Variants in ALG1 observed in about 807,000 individuals in gnomAD.
ALG1 encodes ALG1 chitobiosyldiphosphodolichol beta-mannosyltransferase, also known as chitobiosyldiphosphodolichol beta-mannosyltransferase.
In ALG1, 58 loss-of-function variants were observed where a neutral mutation model predicts 55.1. The ratio of observed to expected loss-of-function variants is 1.05; its 90% CI spans 0.85 to 1.31. ALG1 has a LOEUF of 1.31. Ranked by LOEUF, ALG1 falls within the 50% of genes most tolerant of loss-of-function variation. The pLI is 0.00. For missense variants in ALG1, 761 were observed against 598.6 expected (o/e 1.27, Z -2.83); for synonymous variants, 309 against 247.0 (o/e 1.25, Z -2.35).
At position 5,081,154 on chromosome 16, in the gene ALG1, C is replaced by T. The variant is rs139849682; in HGVS notation, c.1072+98C>T. 2,048 of 1,328,326 alleles carry T rather than the reference C, an allele frequency of 1.5e-3. 27 individuals carry two copies. In the East Asian group the frequency reaches 0.027, roughly 17 times the overall value. The allele number at this position is 1,328,326 out of a possible 1,614,324, so 82.3% of individuals were successfully genotyped here. A position where few individuals can be genotyped will look rare whatever the true frequency, so the allele number is the denominator to read the frequency against. ...GGTGGCTCTGGAGGCCACTGGGGGA[C>T]GGGACCTGGGCTCTGGCTGAACTCC... On this transcript the variant is annotated intron_variant, in intron 10 of 12. Coordinates refer to ENST00000262374, the MANE Select transcript of ALG1 (RefSeq NM_019109.5).
chr16:5,077,770 T>A (rs1956939736), intron 5 of ALG1, 137 bp from the exon 6 acceptor site: 1 of 1,095,396 alleles, frequency 9.1e-7, no homozygotes, highest in East Asian at 2.4e-5. Flanking sequence ...CATTCCCAAG[T>A]AATTGCAAGG....
chr16:5,084,707 G>C (rs773599324), intron 12 of ALG1, 43 bp from the exon 13 acceptor site: 2 of 1,596,314 alleles, frequency 1.3e-6, no homozygotes, highest in Admixed American at 1.7e-5. Flanking sequence ...GGATGGGGTG[G>C]GGACAGGCAA....
At chr16:5,084,244 A>G in intron 12 of ALG1, 1 of 299,182 alleles carries the variant, frequency 3.3e-6, no homozygotes, top group Non-Finnish European at 6.4e-6. Flanking sequence ...TGTCAGAACC[A>G]TGGTACTCTG....
At chr16:5,082,429 T>G in intron 10 of ALG1, 130 bp from the exon 11 acceptor site, 1 of 970,096 alleles carries the variant, frequency 1.0e-6, no homozygotes, top group Non-Finnish European at 1.6e-6. Flanking sequence ...CTTAAGCCAC[T>G]TGTGTTTGGG....
chr16:5,077,461 G>C lies in ALG1; in HGVS notation c.556G>C (p.Gly186Arg). ...LLAKWYEKFF[G>R]RLSHLNLCVT... ...TCTTTTCAGGTACGAGAAGTTCTTTGGGCGCCTGTCCCACCTGAACCTGTG... is the reference window on the plus strand; with the variant it reads ...TCTTTTCAGGTACGAGAAGTTCTTTCGGCGCCTGTCCCACCTGAACCTGTG... Residue 186 changes from glycine to arginine, a missense_variant, in exon 5 of 13, where the codon GGG (glycine) becomes CGG (arginine). Transcript: ENST00000262374. The C allele has an allele frequency of 6.2e-7, 1 of 1,614,032 alleles. No individual in the cohort carries two copies. Among genetic ancestry groups the C allele is most frequent in the Non-Finnish European group, 8.5e-7 (1 of 1,180,008 alleles).
chr16:5,073,964 C>A (rs552495297), intron 3 of ALG1, among the ~76,000 whole-genome samples: 1 of 152,248 alleles, frequency 6.6e-6, no homozygotes, highest in Admixed American at 6.5e-5. Context: ...ATCCGCCCCC[C>A]TCGGCGTCCC....
At chr16:5,083,778 G>A (rs201149498) in intron 12 of ALG1, 21 bp downstream of exon 12, 26 of 1,597,472 alleles carry the variant, frequency 1.6e-5, no homozygotes, top group Non-Finnish European at 1.9e-5. Flanking sequence ...CTGCCACCAC[G>A]CCAGGGTGGG....
chr16:5,079,845 G>C (rs1401996169), intron 9 of ALG1, 38 bp downstream of exon 9: 1 of 1,603,396 alleles, frequency 6.2e-7, no homozygotes, highest in South Asian at 1.1e-5. Flanking sequence ...TTGGTTGGGG[G>C]ATGGCGGAGG....
intron 3 of ALG1, 21 bp downstream of exon 3, chr16:5,073,277 C>A (rs746602939): frequency 3.7e-6 from 6 of 1,604,460 alleles, no homozygotes; most frequent in East Asian, 2.2e-5. Context: ...GCCTCTGCCT[C>A]CCTCTGTGAG....
In ALG1 at chr16:5,084,849, CAG is replaced by C. The variant is rs1567173373; in HGVS notation, c.1365_1366del (p.Gln455HisfsTer103). On this transcript the variant is annotated frameshift_variant, in exon 13 of 13. Coordinates refer to ENST00000262374, the MANE Select transcript of ALG1 (RefSeq NM_019109.5). LOFTEE classifies it high-confidence loss of function. ...GCTCCGATGGGATGAGAGCTGGGTG[CAG>C]ACTGTGCTCCCTTTGGTTATGGACA... ...QQLRWDESWV[Q>X]TVLPLVMDT 2 of 1,596,450 alleles carry C rather than the reference CAG, an allele frequency of 1.3e-6. No individual in the cohort carries two copies. The highest frequency in any genetic ancestry group is 1.7e-6 in the Non-Finnish European group (2 of 1,179,782).
At chr16:5,077,378 C>T (rs1956932424) in intron 4 of ALG1, 67 bp from the exon 5 acceptor site, 8 of 1,357,854 alleles carry the variant, frequency 5.9e-6, no homozygotes, top group South Asian at 2.3e-5. Flanking sequence ...TGAGGGATGT[C>T]GAGTCACGCT....
chr16:5,083,629 G>T (rs1391285702), intron 11 of ALG1, 53 bp from the exon 12 acceptor site: 9 of 1,599,694 alleles, frequency 5.6e-6, no homozygotes, highest in South Asian at 2.2e-5. Flanking sequence ...GGCACCCCAG[G>T]GGTCTGGTGT....
chr16:5,084,220 G>A (rs1596263745), intron 12 of ALG1: 1 of 284,032 alleles, frequency 3.5e-6, no homozygotes, highest in East Asian at 8.7e-5. Flanking sequence ...GTTTAGACTG[G>A]GTTCCCCAGT....
At chr16:5,081,164 G>A in intron 10 of ALG1, 108 bp downstream of exon 10, 1 of 1,291,220 alleles carries the variant, frequency 7.7e-7, no homozygotes, top group Non-Finnish European at 1.1e-6. Flanking sequence ...CGGGACCTGG[G>A]CTCTGGCTGA....
chr16:5,084,432 C>T (rs1159483742), intron 12 of ALG1: 37 of 530,902 alleles, frequency 7.0e-5, no homozygotes, highest in Non-Finnish European at 1.1e-4. Flanking sequence ...CCCTTGTTAC[C>T]CACAGATGGG....
intron 12 of ALG1, chr16:5,084,213 T>TA (rs1157878197): frequency 2.0e-4 from 56 of 284,728 alleles, no homozygotes; most frequent in Non-Finnish European, 3.3e-4. Context: ...GGAAGTCGTT[T>TA]AGACTGGGTT....
rs1957111667 is a variant in ALG1, at chr16:5,085,179, C to T, written c.*298C>T. 3.4e-6 allele frequency: 2 copies of T among 584,160 alleles called. No individual in the cohort carries two copies. The highest frequency in any genetic ancestry group is 6.0e-6 in the Non-Finnish European group (2 of 332,134). The allele number at this position is 584,160 out of a possible 1,614,324, so 36.2% of individuals were successfully genotyped here. A position where few individuals can be genotyped will look rare whatever the true frequency, so the allele number is the denominator to read the frequency against. On this transcript the variant is annotated 3_prime_UTR_variant, in exon 13 of 13. Transcript: ENST00000262374. Reference sequence around the variant, plus strand: ...CTGTGACCTCTGCAGAACTCCTCATCCTGCGTTTGGTCTCCAGGTGTCCCC... The same window carrying T: ...CTGTGACCTCTGCAGAACTCCTCATTCTGCGTTTGGTCTCCAGGTGTCCCC...
rs543489333 is a variant in ALG1 at position 5,086,380 on chromosome 16, A to C, written c.*1499A>C. ...ACACGCACCACACACACACCCACAC[A>C]CACACACAGCTTAGAAGGGGCTGCT... On this transcript the variant is annotated 3_prime_UTR_variant, in exon 13 of 13. Transcript: ENST00000262374. 3.4e-4 allele frequency: 51 copies of C among 152,060 alleles called. 1 individual carries two copies. In the East Asian group the frequency reaches 3.5e-3, roughly 10 times the overall value. The allele number at this position is 152,060 out of a possible 1,614,324, so 9.4% of individuals were successfully genotyped here.
intron 10 of ALG1, 111 bp from the exon 11 acceptor site, chr16:5,082,448 G>C: frequency 1.7e-6 from 2 of 1,150,766 alleles, no homozygotes; most frequent in Non-Finnish European, 2.6e-6. Flanking sequence ...GGGCTGTTGG[G>C]GGCCTTATCT....
Sources: gnomAD v4.1 joint callset for allele counts (sites outside exome capture counted in the v4.1 genomes callset) on GRCh38, gnomAD v4.1.1 for gene constraint, MANE v1.5 for transcripts, NCBI Gene and HGNC (gene_info 2026-07-23, HGNC 2026-07-21) for gene names.